Variants in RIMBP2 observed in about 807,000 individuals in gnomAD.
The protein encoded by RIMBP2 is RIMS binding protein 2, also known as RIMS-binding protein 2.
Under a neutral mutation model 118.6 loss-of-function variants are expected in RIMBP2, and 48 were observed. That is an observed-to-expected ratio of 0.40 (90% confidence interval 0.32 to 0.51). RIMBP2 has a LOEUF of 0.51. Ranked by LOEUF, RIMBP2 falls within the 20% of genes least tolerant of loss-of-function variation. The pLI is 0.41. For missense variants in RIMBP2, 1,551 were observed against 1,768.3 expected (o/e 0.88, Z 2.20); for synonymous variants, 762 against 742.9 (o/e 1.03, Z -0.42).
intron 2 of RIMBP2, among the ~76,000 whole-genome samples, chr12:130,538,203 A>G (rs1344380990): frequency 6.6e-6 from 1 of 152,208 alleles, no homozygotes; most frequent in Non-Finnish European, 1.5e-5. Flanking sequence ...CATTTAAAAA[A>G]TAGAAAATTT....
At chr12:130,674,064 G>T (rs542519890) in intron 1 of RIMBP2, among the ~76,000 whole-genome samples, 1 of 152,308 alleles carries the variant, frequency 6.6e-6, no homozygotes, top group South Asian at 2.1e-4. Context: ...GCTGCAGTGA[G>T]CCAAGATCGT....
rs2050089267 is a variant in RIMBP2 at position 130,504,243 on chromosome 12, G to A, written c.-4+2405C>T. Among the ~76,000 whole-genome samples, 5 of 152,278 alleles carry A rather than the reference G, an allele frequency of 3.3e-5. No homozygotes were observed. The South Asian group carries it at 1.0e-3, about 32-fold the overall frequency. On this transcript the variant is annotated intron_variant, in intron 4 of 22. Coordinates refer to ENST00000690449, the MANE Select transcript of RIMBP2 (RefSeq NM_001393629.1). ...GGTCACCAGGCTCTTCACCAGGCTGGCACTTCAGTGTCTTTGTTCTGTGCA... is the reference window on the plus strand; with the variant it reads ...GGTCACCAGGCTCTTCACCAGGCTGACACTTCAGTGTCTTTGTTCTGTGCA...
intron 18 of RIMBP2, among the ~76,000 whole-genome samples, chr12:130,413,698 T>C (rs1335135992): frequency 7.0e-6 from 1 of 142,156 alleles, no homozygotes; most frequent in Non-Finnish European, 1.5e-5. Flanking sequence ...CTCCATCAGG[T>C]GTATTAAAGA....
At chr12:130,568,869 C>A (rs895267424) in intron 2 of RIMBP2, among the ~76,000 whole-genome samples, 3 of 151,974 alleles carry the variant, frequency 2.0e-5, no homozygotes, top group African/African-American at 7.3e-5. Context: ...TTTCTGGATC[C>A]CAGGGCATTA....
intron 20 of RIMBP2, 76 bp downstream of exon 20, chr12:130,407,650 G>A (rs2075300705): frequency 9.0e-7 from 1 of 1,115,876 alleles, no homozygotes; most frequent in African/African-American, 1.5e-5. Flanking sequence ...AACACACGTG[G>A]CCTCAGTGTG....
intron 10 of RIMBP2, among the ~76,000 whole-genome samples, chr12:130,443,763 ATGATGGTGACGG>A (rs779592082): frequency 8.5e-5 from 13 of 152,288 alleles, no homozygotes; most frequent in Admixed American, 3.3e-4. Context: ...GGTGATGGTG[ATGATGGTGACGG>A]TGATGATGAT....
rs761871739 is a variant in RIMBP2 at position 130,428,198 on chromosome 12, G to T, written c.2393C>A (p.Thr798Lys). 1.9e-6 allele frequency: 3 copies of T among 1,611,576 alleles called. No homozygotes were observed. Among genetic ancestry groups the T allele is most frequent in the Admixed American group, 1.7e-5 (1 of 59,700 alleles). ...ACTCACCTTGAGGGCATTGTGGGAC[G>T]TGCCGCTGGGCCGCCTCCTTCCCCC... ...EDGGRRRPSG[T>K]SHNALKDCTD... The change falls in exon 15 of 23, where the codon ACG becomes AAG. Residue 798 changes from threonine (T) to lysine (K), a missense_variant. By Grantham distance (78) the Thr-to-Lys change is moderately conservative (BLOSUM62 -1). This residue lies in a region of RIMBP2 where 1,038 missense variants were observed against 1,125.1 expected (regional missense o/e 0.92). Transcript: ENST00000690449.
At chr12:130,601,335 C>CAAAAAAAA (rs35127958) in intron 2 of RIMBP2, among the ~76,000 whole-genome samples, 10 of 63,076 alleles carry the variant, frequency 1.6e-4, no homozygotes, top group African/African-American at 2.1e-4. Flanking sequence ...AGAGGGCAGG[C>CAAAAAAAA]AAAAAAAAAA....
chr12:130,451,260 G>C lies in RIMBP2; in HGVS notation c.439C>G (p.Pro147Ala). The C allele has an allele frequency of 6.2e-7, 1 of 1,614,190 alleles. No individual in the cohort carries two copies. Among genetic ancestry groups the C allele is most frequent in the Non-Finnish European group, 8.5e-7 (1 of 1,180,026 alleles). ...AGGAAGGTGGGCTTGGCGGACAGAG[G>C]CTCCGGCCTGTCACCAGGCTGCGGA... The part of the protein sequence containing the change: ...PLPQPGDRPE[P>A]LSAKPTFLSR... Residue 147 changes from proline to alanine, a missense_variant, in exon 8 of 23, where the codon CCT becomes GCT. Pro to Ala is a conservative substitution (Grantham distance 27, BLOSUM62 -1). Transcript: ENST00000690449.
At chr12:130,614,950 T>G (rs2060807792) in intron 2 of RIMBP2, among the ~76,000 whole-genome samples, 1 of 149,378 alleles carries the variant, frequency 6.7e-6, no homozygotes, top group Non-Finnish European at 1.5e-5. Context: ...ATAACTTGTG[T>G]GTCTAGTCAT....
chr12:130,607,006 A>G (rs530286225), intron 2 of RIMBP2, among the ~76,000 whole-genome samples: 1 of 151,990 alleles, frequency 6.6e-6, no homozygotes, highest in East Asian at 1.9e-4. Flanking sequence ...TAATTTTTGT[A>G]TTTTTAGTAG....
intron 1 of RIMBP2, among the ~76,000 whole-genome samples, chr12:130,668,766 G>A (rs1247954065): frequency 2.6e-5 from 4 of 151,948 alleles, no homozygotes; most frequent in African/African-American, 7.3e-5. Flanking sequence ...TCTCTCTCTG[G>A]GCACAGCACA....
At position 130,424,666 on chromosome 12, in the gene RIMBP2, G is replaced by A. The variant is rs1354465818; in HGVS notation, c.2605C>T (p.Pro869Ser). 35 of 1,231,864 alleles carry A rather than the reference G, an allele frequency of 2.8e-5. No individual in the cohort carries two copies. Among genetic ancestry groups the A allele is most frequent in the Non-Finnish European group, 3.5e-5 (35 of 987,898 alleles). 76.3% of individuals were successfully genotyped at this position (1,231,864 alleles called of 1,614,324 possible). Residue 869 changes from proline to serine, a missense_variant, in exon 16 of 23, where the codon CCC becomes TCC. Coordinates refer to ENST00000690449, the MANE Select transcript of RIMBP2 (RefSeq NM_001393629.1). This position sits in a 1 kb window ranked among gnomAD's most constrained non-coding sequence, Gnocchi z 9.8. Reference protein sequence around the residue: ...ARTGLAREPRPGRPYRGDEAP... With the variant: ...ARTGLAREPRSGRPYRGDEAP... Reference sequence around the variant, plus strand: ...TCGTCGCCCCTGTAGGGCCTGCCGGGCCTGGGCTCTCTGGCCAGCCCCGTC... The same window carrying A: ...TCGTCGCCCCTGTAGGGCCTGCCGGACCTGGGCTCTCTGGCCAGCCCCGTC...
intron 4 of RIMBP2, among the ~76,000 whole-genome samples, chr12:130,501,423 A>C (rs1036478134): frequency 1.3e-5 from 2 of 152,132 alleles, no homozygotes; most frequent in African/African-American, 4.8e-5. Context: ...CTGAGGTAGG[A>C]GGGTAAGAGA....
rs775037089 is a variant in RIMBP2 at position 130,399,808 on chromosome 12, C to G, written c.3771G>C (p.Glu1257Asp). Residue 1257 changes from glutamate to aspartate, a missense_variant, in exon 22 of 23, where the codon GAG becomes GAC. By Grantham distance (45) the Glu-to-Asp change is conservative. Around this residue, in one of 5 missense-constraint regions of RIMBP2, gnomAD observed 1,038 missense variants for 1,125.1 expected, o/e 0.92. Coordinates refer to ENST00000690449, the MANE Select transcript of RIMBP2 (RefSeq NM_001393629.1). The stretch of plus-strand genomic sequence containing the variant: ...GCACAAGGCCTTTCTGCCCATTCAG[C>G]TCCCCCTAAAACACCAGGGGTGAGG... Reference protein sequence around the residue: ...EIDEDGFYYGELNGQKGLVPS... With the variant: ...EIDEDGFYYGDLNGQKGLVPS... 9.9e-6 allele frequency: 16 copies of G among 1,614,022 alleles called. No individual in the cohort carries two copies. In the East Asian group the frequency reaches 3.3e-4, roughly 34 times the overall value.
chr12:130,613,332 T>C (rs554416270), intron 2 of RIMBP2, among the ~76,000 whole-genome samples: 2 of 152,152 alleles, frequency 1.3e-5, no homozygotes, highest in East Asian at 3.9e-4. Flanking sequence ...CCTGCCGCAA[T>C]CTCCAGGCTC....
rs78720470 is a variant in RIMBP2, at chr12:130,664,023, G to GT, written c.-351-35568dup. ...GAGCAATTTCCAGGCTATATTGTGG[G>GT]TTTTTTTTAAAAAATCTATTGTTTT... On this transcript the variant is annotated intron_variant, in intron 1 of 22. Coordinates refer to ENST00000690449, the MANE Select transcript of RIMBP2 (RefSeq NM_001393629.1). 4.8e-4 allele frequency among the ~76,000 whole-genome samples: 73 copies of GT among 150,548 alleles called. 1 individual carries two copies. Among genetic ancestry groups the GT allele is most frequent in the Admixed American group, 4.0e-3 (61 of 15,188 alleles).
chr12:130,460,159 T>C (rs1347641468), intron 6 of RIMBP2, among the ~76,000 whole-genome samples: 1 of 152,140 alleles, frequency 6.6e-6, no homozygotes, highest in Non-Finnish European at 1.5e-5. Flanking sequence ...CAGGGGCCGC[T>C]GTGTCATCAC....
At chr12:130,661,634 C>G (rs1006280022) in intron 1 of RIMBP2, among the ~76,000 whole-genome samples, 3 of 152,202 alleles carry the variant, frequency 2.0e-5, no homozygotes, top group Non-Finnish European at 4.4e-5. Flanking sequence ...ATAAAGCTTA[C>G]GTAACTACAC....
Sources: allele counts gnomAD v4.1 joint callset (sites outside exome capture counted in the v4.1 genomes callset), GRCh38; gene constraint gnomAD v4.1.1; regional missense constraint gnomAD v4.1.1; non-coding constraint Gnocchi (gnomAD v3.1); transcripts MANE v1.5; gene names NCBI Gene and HGNC (gene_info 2026-07-23, HGNC 2026-07-21).